The following GRIP1 variants were observed in gnomAD, a reference collection of about 807,000 sequenced individuals.
GRIP1 encodes the protein glutamate receptor interacting protein 1, also known as glutamate receptor-interacting protein 1.
In GRIP1, 45 loss-of-function variants were observed where a neutral mutation model predicts 129.9. That is an observed-to-expected ratio of 0.35 (90% CI 0.27 to 0.44). GRIP1 has a LOEUF of 0.44. Among genes scored for constraint, GRIP1 ranks in the 20% least tolerant of loss-of-function variants. The pLI, the probability that GRIP1 is intolerant of heterozygous loss-of-function variation, is 1.00. For synonymous variants in GRIP1, 530 were observed against 520.8 expected, an observed-to-expected ratio of 1.02 and a Z score of -0.24; for missense variants, 1,196 against 1,396.8, an observed-to-expected ratio of 0.86 and a Z score of 2.29.
At chr12:66,449,047 C>T (rs140720466) in intron 11 of GRIP1, among the ~76,000 whole-genome samples, 25 of 152,334 alleles carry the variant, frequency 1.6e-4, no homozygotes, top group African/African-American at 5.8e-4. Flanking sequence ...CCCTCTGCCA[C>T]TCAGCTCTTG....
upstream of GRIP1, among the ~76,000 whole-genome samples, chr12:66,682,146 T>C (rs11176374): frequency 6.6e-6 from 1 of 152,104 alleles, no homozygotes; most frequent in Non-Finnish European, 1.5e-5. Flanking sequence ...AAATGTGATC[T>C]AGTTTACAGG....
intron 7 of GRIP1, among the ~76,000 whole-genome samples, chr12:66,505,727 G>C (rs1380517625): frequency 6.6e-6 from 1 of 152,084 alleles, no homozygotes; most frequent in Non-Finnish European, 1.5e-5. Flanking sequence ...AAGTTTGTTG[G>C]AATGTATAGC....
intron 1 of GRIP1, among the ~76,000 whole-genome samples, chr12:66,775,557 C>T (rs958024673): frequency 2.0e-5 from 3 of 152,098 alleles, no homozygotes; most frequent in African/African-American, 4.8e-5. Context: ...GAATCTATTA[C>T]AAAATAGATC....
intron 1 of GRIP1, among the ~76,000 whole-genome samples, chr12:66,780,273 G>A (rs938570987): frequency 2.0e-5 from 3 of 152,180 alleles, no homozygotes; most frequent in Non-Finnish European, 4.4e-5. Context: ...GCAGGCATCT[G>A]ATGGATGCGG....
Position 66,994,575 on chromosome 12 carries a change from T to G in GRIP1, c.58+74475A>C, listed in dbSNP as rs187225541. Among the ~76,000 whole-genome samples, 25 of 151,818 alleles carry G rather than the reference T, an allele frequency of 1.6e-4. 1 individual carries two copies. Among genetic ancestry groups the G allele is most frequent in the Admixed American group, 1.0e-3 (16 of 15,264 alleles). On this transcript the variant is annotated intron_variant, in intron 1 of 1. Transcript: ENST00000643019. ...ATACTTGCAATAAGGAATCTGAAAA[T>G]GGAATGAAGAAAACAATTCCATTTA...
chr12:66,485,925 C>G (rs2059941863), intron 7 of GRIP1, among the ~76,000 whole-genome samples: 1 of 151,932 alleles, frequency 6.6e-6, no homozygotes, highest in Non-Finnish European at 1.5e-5. Context: ...TGAATATATA[C>G]ATATGTATAT....
chr12:66,441,579 C>T (rs529944251), intron 13 of GRIP1, among the ~76,000 whole-genome samples: 14 of 152,272 alleles, frequency 9.2e-5, no homozygotes, highest in Admixed American at 8.5e-4. Context: ...CTATTCTTAC[C>T]ATTCAGCAGC....
chr12:66,676,062 G>T (rs890251899), intron 1 of GRIP1, among the ~76,000 whole-genome samples: 3 of 152,038 alleles, frequency 2.0e-5, no homozygotes, highest in African/African-American at 7.2e-5. Context: ...AGAAATACAT[G>T]TTTTATACAT....
At chr12:66,450,743 A>C (rs908611841) in intron 11 of GRIP1, among the ~76,000 whole-genome samples, 1 of 152,198 alleles carries the variant, frequency 6.6e-6, no homozygotes, top group Admixed American at 6.5e-5. Context: ...TTGAAATTAT[A>C]TGTATTGATT....
intron 1 of GRIP1, among the ~76,000 whole-genome samples, chr12:66,899,230 G>A (rs1273278537): frequency 6.6e-6 from 1 of 152,026 alleles, no homozygotes; most frequent in Admixed American, 6.6e-5. Context: ...AGAGTACCCA[G>A]GTCCAATAAA....
chr12:66,484,063 T>A (rs878995987), intron 7 of GRIP1, among the ~76,000 whole-genome samples: 1 of 151,698 alleles, frequency 6.6e-6, no homozygotes, highest in African/African-American at 2.4e-5. Flanking sequence ...GTTTCACCGT[T>A]TTAGCCGGGA....
At chr12:66,640,870 A>C (rs2136085110) in intron 1 of GRIP1, among the ~76,000 whole-genome samples, 1 of 152,350 alleles carries the variant, frequency 6.6e-6, no homozygotes, top group Admixed American at 6.5e-5. Context: ...GACAAAATAC[A>C]TGTCTGGAAG....
chr12:67,064,684 G>A (rs1164872950), intron 1 of GRIP1, among the ~76,000 whole-genome samples: 1 of 152,120 alleles, frequency 6.6e-6, no homozygotes, highest in Non-Finnish European at 1.5e-5. Flanking sequence ...GGGTGATTTG[G>A]GAAATGAAAC....
intron 1 of GRIP1, among the ~76,000 whole-genome samples, chr12:66,614,269 G>A (rs2064940674): frequency 6.6e-6 from 1 of 151,982 alleles, no homozygotes; most frequent in African/African-American, 2.4e-5. Context: ...TCCAGACTCA[G>A]GACATACAGC....
At chr12:66,913,054 G>A (rs952741469) in intron 1 of GRIP1, among the ~76,000 whole-genome samples, 1 of 152,162 alleles carries the variant, frequency 6.6e-6, no homozygotes, top group Admixed American at 6.5e-5. Flanking sequence ...TCTTCACCTG[G>A]ATAAGAGGTT....
rs148335766 is a variant in GRIP1 at position 66,470,361 on chromosome 12, G to A, written c.725-4939C>T. 1.3e-3 allele frequency among the ~76,000 whole-genome samples: 195 copies of A among 152,142 alleles called. 2 individuals carry two copies. Among genetic ancestry groups the A allele is most frequent in the Admixed American group, 9.6e-3 (147 of 15,278 alleles). ...TTAGTCATTCAAAATGCTGTCAGCC[G>A]CTGCTACAGTGCCTTCATTTATGTT... is the stretch of plus-strand genomic sequence containing the variant. On this transcript the variant is annotated intron_variant, in intron 7 of 24. Coordinates refer to ENST00000359742, the MANE Select transcript of GRIP1 (RefSeq NM_001366722.1).
At chr12:66,685,252 T>C (rs1365493803) in intron 1 of GRIP1, among the ~76,000 whole-genome samples, 1 of 152,184 alleles carries the variant, frequency 6.6e-6, no homozygotes, top group Non-Finnish European at 1.5e-5. Context: ...TTTGTATGAA[T>C]GTCTGAGTAG....
chr12:66,561,356 A>G (rs1822485301), intron 2 of GRIP1, among the ~76,000 whole-genome samples: 2 of 152,192 alleles, frequency 1.3e-5, no homozygotes, highest in African/African-American at 4.8e-5. Context: ...AGCACAAAGG[A>G]TAAGTGCTTG....
At chr12:66,662,148 C>A (rs1230946866) in intron 1 of GRIP1, among the ~76,000 whole-genome samples, 1 of 151,990 alleles carries the variant, frequency 6.6e-6, no homozygotes, top group Non-Finnish European at 1.5e-5. Flanking sequence ...AGATGAGTAA[C>A]CCAGGTTGAG....
Sources: gnomAD v4.1 joint callset for allele counts (sites outside exome capture counted in the v4.1 genomes callset) on GRCh38, gnomAD v4.1.1 for gene constraint, MANE v1.5 for transcripts, NCBI Gene and HGNC (gene_info 2026-07-23, HGNC 2026-07-21) for gene names.